The following ARHGAP39 variants were observed in gnomAD, a reference collection of about 807,000 sequenced individuals.
ARHGAP39 encodes the protein rho GTPase-activating protein 39.
Under a neutral mutation model 106.9 loss-of-function variants are expected in ARHGAP39, and 44 were observed. That is an observed-to-expected ratio of 0.41 (90% CI 0.32 to 0.53). ARHGAP39 has a LOEUF of 0.53. Ranked by LOEUF, ARHGAP39 falls within the 20% of genes least tolerant of loss-of-function variation. The pLI is 0.21. For missense variants in ARHGAP39, 1,496 were observed against 1,577.3 expected (o/e 0.95, Z 0.87); for synonymous variants, 768 against 693.2 (o/e 1.11, Z -1.69).
At chr8:144,683,376 C>G (rs1373823472) in intron 1 of ARHGAP39, 1 of 141,420 alleles carries the variant, frequency 7.1e-6, no homozygotes, top group Non-Finnish European at 1.5e-5. Flanking sequence ...GAGACAGAGT[C>G]TCGCTCTGTC....
At chr8:144,578,918 G>GA (rs1818864681) in intron 3 of ARHGAP39, among the ~76,000 whole-genome samples, 1 of 151,374 alleles carries the variant, frequency 6.6e-6, no homozygotes. Flanking sequence ...TCAAGAAAGT[G>GA]AAAAAAGGGG....
chr8:144,611,814 A>G (rs145897630), intron 1 of ARHGAP39, among the ~76,000 whole-genome samples: 5,923 of 152,182 alleles, frequency 0.039, 191 homozygotes, highest in South Asian at 0.063. Flanking sequence ...CCAGGAGTTC[A>G]AGACCAGCCT....
chr8:144,624,129 C>T (rs1820877741), intron 1 of ARHGAP39, among the ~76,000 whole-genome samples: 1 of 152,190 alleles, frequency 6.6e-6, no homozygotes, highest in Admixed American at 6.5e-5. Flanking sequence ...TACGCTCGTG[C>T]TAAATCAGCC....
chr8:144,557,837 C>A (rs1036576915), intron 3 of ARHGAP39, among the ~76,000 whole-genome samples: 26 of 152,202 alleles, frequency 1.7e-4, no homozygotes, highest in Non-Finnish European at 3.7e-4. Context: ...AATTATTTAT[C>A]CTTACCACCA....
chr8:144,672,848 G>T (rs1368611457), intron 1 of ARHGAP39, among the ~76,000 whole-genome samples: 1 of 152,084 alleles, frequency 6.6e-6, no homozygotes, highest in East Asian at 1.9e-4. Context: ...AATCACACAG[G>T]CAGCGATTAA....
upstream of ARHGAP39, among the ~76,000 whole-genome samples, chr8:144,687,053 C>T (rs552117169): frequency 1.2e-3 from 118 of 100,708 alleles, no homozygotes; most frequent in Non-Finnish European, 1.4e-3. Flanking sequence ...TTCCCACCCC[C>T]GTGACCACGC....
At chr8:144,579,225 A>AAAAAAAAAT in intron 3 of ARHGAP39, among the ~76,000 whole-genome samples, 1 of 149,974 alleles carries the variant, frequency 6.7e-6, no homozygotes, top group African/African-American at 2.4e-5. Context: ...AAAAAAAAAA[A>AAAAAAAAAT]GAAAGTGAAA....
At chr8:144,675,543 A>C (rs904267572) in intron 1 of ARHGAP39, among the ~76,000 whole-genome samples, 4 of 151,134 alleles carry the variant, frequency 2.6e-5, no homozygotes, top group Non-Finnish European at 5.9e-5. Flanking sequence ...GGAGTTGTTC[A>C]TTCCTTCCGG....
chr8:144,695,899 C>T, the ARHGAP39 span, among the ~76,000 whole-genome samples: 12 of 152,114 alleles, frequency 7.9e-5, no homozygotes, highest in Admixed American at 3.9e-4. Flanking sequence ...TGCTGGGAGT[C>T]AGCTTGCACA....
chr8:144,567,158 T>C (rs1016187653), intron 3 of ARHGAP39, among the ~76,000 whole-genome samples: 1 of 152,210 alleles, frequency 6.6e-6, no homozygotes, highest in East Asian at 1.9e-4. Context: ...ATACCAGATA[T>C]AGATCTTAGA....
chr8:144,565,052 G>A (rs759657689), intron 3 of ARHGAP39, among the ~76,000 whole-genome samples: 3 of 152,046 alleles, frequency 2.0e-5, no homozygotes, highest in African/African-American at 4.8e-5. Flanking sequence ...AGAGGTTGCC[G>A]TGAGCCGAGA....
chr8:144,589,579 GCCCTAGGGACTCCCGTGAC>G (rs1819314456), intron 2 of ARHGAP39, among the ~76,000 whole-genome samples: 2 of 152,248 alleles, frequency 1.3e-5, no homozygotes, highest in African/African-American at 4.8e-5. Context: ...GAGGCCCTCT[GCCCTAGGGACTCCCGTGAC>G]CCCATAATCC....
chr8:144,623,472 AAG>A (rs1820855595), intron 1 of ARHGAP39, among the ~76,000 whole-genome samples: 1 of 152,246 alleles, frequency 6.6e-6, no homozygotes, highest in Admixed American at 6.5e-5. Flanking sequence ...TCAAGAATGG[AAG>A]AGACAGAGCT....
chr8:144,616,172 C>G (rs962037874), intron 1 of ARHGAP39, among the ~76,000 whole-genome samples: 3 of 152,258 alleles, frequency 2.0e-5, no homozygotes, highest in African/African-American at 7.2e-5. Flanking sequence ...CTGGCTCCGT[C>G]TGTGTGACAA....
intron 1 of ARHGAP39, among the ~76,000 whole-genome samples, chr8:144,677,500 T>A (rs1232461528): frequency 6.6e-6 from 1 of 152,200 alleles, no homozygotes; most frequent in African/African-American, 2.4e-5. Flanking sequence ...TACAGGTACA[T>A]TTGCAAAACA....
At chr8:144,598,769 G>C (rs1206853860) in intron 2 of ARHGAP39, among the ~76,000 whole-genome samples, 1 of 152,230 alleles carries the variant, frequency 6.6e-6, no homozygotes, top group Non-Finnish European at 1.5e-5. Context: ...CTGAAGAAAG[G>C]ATGGCCAACC....
chr8:144,553,373 C>T (rs1817792535), intron 4 of ARHGAP39, among the ~76,000 whole-genome samples: 1 of 152,222 alleles, frequency 6.6e-6, no homozygotes, highest in Non-Finnish European at 1.5e-5. Flanking sequence ...TCTACAAGTG[C>T]AACTCTGGCG....
intron 6 of ARHGAP39, among the ~76,000 whole-genome samples, chr8:144,543,140 C>A (rs1354597152): frequency 1.3e-5 from 2 of 151,900 alleles, no homozygotes; most frequent in Non-Finnish European, 2.9e-5. Flanking sequence ...TGGCTAATTT[C>A]CTTTTTAAAA....
At chr8:144,574,441 C>A (rs972044917) in intron 3 of ARHGAP39, among the ~76,000 whole-genome samples, 1 of 152,070 alleles carries the variant, frequency 6.6e-6, no homozygotes, top group Non-Finnish European at 1.5e-5. Flanking sequence ...GAGGCCGAGG[C>A]GGGCAGATCA....
Sources: gnomAD v4.1 joint callset for allele counts (sites outside exome capture counted in the v4.1 genomes callset) on GRCh38, gnomAD v4.1.1 for gene constraint, MANE v1.5 for transcripts, NCBI Gene and HGNC (gene_info 2026-07-23, HGNC 2026-07-21) for gene names.